The following TMEM132B variants were observed in gnomAD, a reference collection of about 807,000 sequenced individuals.
The protein encoded by TMEM132B is transmembrane protein 132B.
A neutral mutation model predicts 90.8 loss-of-function variants in TMEM132B; 18 were observed. That is an observed-to-expected ratio of 0.20 (90% CI 0.14 to 0.29). The LOEUF (loss-of-function observed/expected upper bound fraction) is 0.29. TMEM132B is among the 10% of genes least tolerant of loss of function. The probability of loss-of-function intolerance (pLI) is 1.00; values close to 1 mark genes in which losing one functional copy is unlikely to be tolerated. For synonymous variants in TMEM132B, 504 were observed against 523.3 expected, an observed-to-expected ratio of 0.96 and a Z score of 0.50; for missense variants, 1,096 against 1,326.8, an observed-to-expected ratio of 0.83 and a Z score of 2.70.
chr12:125,387,291 A>G (rs1370445448), intron 2 of TMEM132B, among the ~76,000 whole-genome samples: 1 of 152,234 alleles, frequency 6.6e-6, no homozygotes, highest in African/African-American at 2.4e-5. Flanking sequence ...GTCCACAAGC[A>G]CAGCTAGAAA....
At chr12:125,439,398 G>A (rs10773164) in intron 3 of TMEM132B, among the ~76,000 whole-genome samples, 80,909 of 151,898 alleles carry the variant, frequency 0.53, 22,564 homozygotes, top group African/African-American at 0.71. Context: ...ATAGTTAGCT[G>A]TATTCTTAGG....
intron 4 of TMEM132B, among the ~76,000 whole-genome samples, chr12:125,582,559 C>T (rs1885077422): frequency 6.6e-6 from 1 of 152,088 alleles, no homozygotes; most frequent in South Asian, 2.1e-4. Context: ...CTGTGTTGCC[C>T]AGGTGTCTAC....
chr12:125,285,029 A>G (rs993887860), intron 1 of TMEM132B, among the ~76,000 whole-genome samples: 12 of 152,192 alleles, frequency 7.9e-5, no homozygotes, highest in African/African-American at 2.9e-4. Flanking sequence ...AAGATACCCC[A>G]CACCATCAGT....
intron 1 of TMEM132B, among the ~76,000 whole-genome samples, chr12:125,326,287 T>G (rs187786499): frequency 5.3e-4 from 80 of 152,272 alleles, no homozygotes; most frequent in Admixed American, 1.8e-3. Flanking sequence ...CCCCGTGCCT[T>G]TGAGCTTCAG....
chr12:125,510,768 T>C (rs1445935338), intron 3 of TMEM132B, among the ~76,000 whole-genome samples: 1 of 152,224 alleles, frequency 6.6e-6, no homozygotes, highest in Non-Finnish European at 1.5e-5. Context: ...TTACCATGCA[T>C]GTTTTTTTGC....
At chr12:125,315,555 T>C (rs1332605249) in intron 1 of TMEM132B, among the ~76,000 whole-genome samples, 1 of 152,194 alleles carries the variant, frequency 6.6e-6, no homozygotes, top group Non-Finnish European at 1.5e-5. Flanking sequence ...TGAATGCTTG[T>C]ATGTATCTTA....
rs1408924114 is a variant in TMEM132B, at chr12:125,246,040, C to T, written c.67+59174C>T. Among the ~76,000 whole-genome samples, 1 of 152,234 alleles carries T rather than the reference C, an allele frequency of 6.6e-6. No individual in the cohort carries two copies. The highest frequency in any genetic ancestry group is 1.5e-5 in the Non-Finnish European group (1 of 68,048). On this transcript the variant is annotated intron_variant, in intron 1 of 8. Transcript: ENST00000682704. This position sits in a 1 kb window ranked among gnomAD's most constrained non-coding sequence, Gnocchi z 4.2. The stretch of plus-strand genomic sequence containing the variant: ...AAAACGGGACCCTCGTGTGCTTCTT[C>T]CACTGGAAGGATGGGCAGAGCCATT...
At chr12:125,434,640 G>T (rs1814500) in intron 3 of TMEM132B, among the ~76,000 whole-genome samples, 2 of 151,970 alleles carry the variant, frequency 1.3e-5, no homozygotes, top group African/African-American at 2.4e-5. Context: ...GTCAGACGTC[G>T]CGTTCCATCG....
In TMEM132B at chr12:125,312,525, C is replaced by G. The variant is rs150238330; in HGVS notation, c.68-36927C>G. 1.1e-3 allele frequency among the ~76,000 whole-genome samples: 172 copies of G among 152,310 alleles called. 4 individuals carry two copies. In the East Asian group the frequency reaches 0.029, roughly 26 times the overall value. ...TTGCTGGGGTGGCCCTCTGAGGACC[C>G]TTGGGTAGATGTCCCAGCGTCCTCT... On this transcript the variant is annotated intron_variant, in intron 1 of 8. Transcript: ENST00000682704.
At chr12:125,297,310 C>A (rs914729282) in intron 1 of TMEM132B, among the ~76,000 whole-genome samples, 1 of 152,336 alleles carries the variant, frequency 6.6e-6, no homozygotes, top group Non-Finnish European at 1.5e-5. Context: ...TGGTGTAGAC[C>A]TGACAGGTGA....
At position 125,654,376 on chromosome 12, in the gene TMEM132B, G is replaced by A; in HGVS notation, c.2918G>A (p.Cys973Tyr). 1 of 1,613,058 alleles carries A rather than the reference G, an allele frequency of 6.2e-7. No homozygotes were observed. Among genetic ancestry groups the A allele is most frequent in the Non-Finnish European group, 8.5e-7 (1 of 1,180,040 alleles). ...PVDITLPSEECTTMIDRGLQF... is the reference protein window; with the variant it reads ...PVDITLPSEEYTTMIDRGLQF... Reference sequence around the variant, plus strand: ...GACATTACACTCCCATCAGAGGAGTGCACAACCATGATAGACAGGGGCCTG... The same window carrying A: ...GACATTACACTCCCATCAGAGGAGTACACAACCATGATAGACAGGGGCCTG... Residue 973 changes from cysteine to tyrosine, a missense_variant, in exon 9 of 9, where the codon TGC (cysteine) becomes TAC (tyrosine). Coordinates refer to ENST00000682704, the MANE Select transcript of TMEM132B (RefSeq NM_001366854.1). This position sits in a 1 kb window ranked among gnomAD's most constrained non-coding sequence, Gnocchi z 5.8.
At chr12:125,316,916 G>T (rs745311726) in intron 1 of TMEM132B, among the ~76,000 whole-genome samples, 1 of 152,220 alleles carries the variant, frequency 6.6e-6, no homozygotes, top group African/African-American at 2.4e-5. Context: ...TAAGGTCCCC[G>T]ATAAATAAGT....
Position 125,424,567 on chromosome 12 carries a change from G to C in TMEM132B, c.1106+8890G>C, listed in dbSNP as rs151259111. Among the ~76,000 whole-genome samples, 165 of 152,296 alleles carry C rather than the reference G, an allele frequency of 1.1e-3. 1 individual carries two copies. Among genetic ancestry groups the C allele is most frequent in the African/African-American group, 3.7e-3 (153 of 41,550 alleles). On this transcript the variant is annotated intron_variant, in intron 3 of 8. Transcript: ENST00000682704. ...TAGCAAGATTTTAGGTTTGTGCGTT[G>C]TCAAATGTAGTCATTGTTTTCTTTA...
intron 2 of TMEM132B, among the ~76,000 whole-genome samples, chr12:125,387,903 A>C (rs145917123): frequency 2.9e-3 from 441 of 152,348 alleles, no homozygotes; most frequent in Admixed American, 5.1e-3. Context: ...AAGAAGGAAA[A>C]GTCTTCGGGG....
At chr12:125,218,008 A>G (rs1873476073) in intron 1 of TMEM132B, among the ~76,000 whole-genome samples, 1 of 152,238 alleles carries the variant, frequency 6.6e-6, no homozygotes, top group Non-Finnish European at 1.5e-5. Flanking sequence ...AGGCGGGCCA[A>G]TTTTAAGGGA....
intron 5 of TMEM132B, among the ~76,000 whole-genome samples, chr12:125,588,973 C>A (rs991264711): frequency 6.6e-6 from 1 of 152,154 alleles, no homozygotes; most frequent in Non-Finnish European, 1.5e-5. Context: ...TCACATAGTG[C>A]TTGACCTGTA....
chr12:125,642,437 T>C (rs1267160140), intron 5 of TMEM132B, among the ~76,000 whole-genome samples: 2 of 152,254 alleles, frequency 1.3e-5, no homozygotes, highest in East Asian at 3.8e-4. Flanking sequence ...TCTTTTCTTT[T>C]TTTAATTTGA....
intron 3 of TMEM132B, among the ~76,000 whole-genome samples, chr12:125,425,075 T>C (rs1191532471): frequency 2.0e-5 from 3 of 151,864 alleles, no homozygotes; most frequent in African/African-American, 4.8e-5. Flanking sequence ...GAGGAGGTGG[T>C]GGAGGGCAGG....
At chr12:125,326,439 C>G in intron 1 of TMEM132B, 1 of 689,034 alleles carries the variant, frequency 1.5e-6, no homozygotes, top group Non-Finnish European at 2.5e-6. Flanking sequence ...TGACCTGTTT[C>G]CAATGAAGAC....
Sources: allele counts gnomAD v4.1 joint callset (sites outside exome capture counted in the v4.1 genomes callset), GRCh38; gene constraint gnomAD v4.1.1; non-coding constraint Gnocchi (gnomAD v3.1); transcripts MANE v1.5; gene names NCBI Gene and HGNC (gene_info 2026-07-23, HGNC 2026-07-21).